SUSD5: variants seen among roughly 807,000 people sequenced by gnomAD.
SUSD5 encodes sushi domain containing 5.
A neutral mutation model predicts 29.5 loss-of-function variants in SUSD5; 33 were observed. The ratio of observed to expected loss-of-function variants is 1.12; its 90% confidence interval spans 0.85 to 1.49. The LOEUF is 1.49. Ranked by LOEUF, SUSD5 falls within the 40% of genes most tolerant of loss-of-function variation. The pLI is 0.00. For synonymous variants in SUSD5, 308 were observed against 325.3 expected (o/e 0.95, Z 0.57); for missense variants, 776 against 800.6 (o/e 0.97, Z 0.37).
In SUSD5 at chr3:33,204,180, T is replaced by C. The variant is rs1009708866; in HGVS notation, c.409+3628A>G. On this transcript the variant is annotated intron_variant, in intron 3 of 4. Coordinates refer to ENST00000309558, the MANE Select transcript of SUSD5 (RefSeq NM_015551.2). The surrounding 1 kb of genome is among the most constrained non-coding windows in gnomAD (Gnocchi z 4.5). ...CAAAAAAGAATTATAGATACACATA[T>C]ATACATATTTACATATGTATATATA... Among the ~76,000 whole-genome samples the C allele has an allele frequency of 1.3e-5, 2 of 152,154 alleles. No individual in the cohort carries two copies. Among genetic ancestry groups the C allele is most frequent in the East Asian group, 1.9e-4 (1 of 5,194 alleles).
chr3:33,210,414 C>T (rs963831802), intron 2 of SUSD5, among the ~76,000 whole-genome samples: 6 of 152,204 alleles, frequency 3.9e-5, no homozygotes, highest in African/African-American at 1.4e-4. Flanking sequence ...CTCCAACCTC[C>T]TAGTCCCATG....
At chr3:33,178,204 G>A (rs753923686) in intron 3 of SUSD5, among the ~76,000 whole-genome samples, 11 of 152,114 alleles carry the variant, frequency 7.2e-5, no homozygotes, top group Non-Finnish European at 1.5e-4. Flanking sequence ...ATGAATGGGT[G>A]TTGGATTTTG....
At chr3:33,166,240 G>C (rs757764328) in intron 4 of SUSD5, among the ~76,000 whole-genome samples, 4 of 152,074 alleles carry the variant, frequency 2.6e-5, no homozygotes, top group Non-Finnish European at 5.9e-5. Context: ...TTAATACCCT[G>C]AATATCTGAA....
intron 3 of SUSD5, among the ~76,000 whole-genome samples, chr3:33,196,066 C>A (rs2031989642): frequency 6.6e-6 from 1 of 152,232 alleles, no homozygotes; most frequent in East Asian, 1.9e-4. Flanking sequence ...GAATAAAAAC[C>A]AGCTCCATTT....
At chr3:33,160,322 T>C (rs979052016) in intron 4 of SUSD5, among the ~76,000 whole-genome samples, 1 of 150,944 alleles carries the variant, frequency 6.6e-6, no homozygotes, top group East Asian at 1.9e-4. Flanking sequence ...AAGTAAAATA[T>C]CTGAGGCAGG....
At chr3:33,181,354 C>CTTTTTTTT (rs61087865) in intron 3 of SUSD5, among the ~76,000 whole-genome samples, 1 of 120,490 alleles carries the variant, frequency 8.3e-6, no homozygotes, top group Non-Finnish European at 1.8e-5. Flanking sequence ...TCATTTTCAT[C>CTTTTTTTT]TTTTTTTTTT....
At chr3:33,169,472 C>T (rs531890711) in intron 4 of SUSD5, among the ~76,000 whole-genome samples, 29 of 151,548 alleles carry the variant, frequency 1.9e-4, no homozygotes, top group Admixed American at 9.2e-4. Flanking sequence ...CCACCCGCCT[C>T]GGCCTCCCAA....
intron 3 of SUSD5, among the ~76,000 whole-genome samples, chr3:33,183,228 C>A (rs1365395814): frequency 6.6e-6 from 1 of 152,088 alleles, no homozygotes; most frequent in African/African-American, 2.4e-5. Context: ...CCATTGATGT[C>A]TAAAGTGATC....
At chr3:33,178,420 A>G (rs1231413175) in intron 3 of SUSD5, among the ~76,000 whole-genome samples, 3 of 150,416 alleles carry the variant, frequency 2.0e-5, no homozygotes, top group African/African-American at 7.3e-5. Flanking sequence ...TGTTCATGAG[A>G]TACATTGGTC....
chr3:33,177,953 T>A (rs1036073965), intron 3 of SUSD5, among the ~76,000 whole-genome samples: 1 of 151,592 alleles, frequency 6.6e-6, no homozygotes, highest in African/African-American at 2.4e-5. Context: ...TCCTTCGCAA[T>A]CTATATTTTC....
chr3:33,212,526 G>A (rs2032341110), intron 2 of SUSD5, among the ~76,000 whole-genome samples: 1 of 152,218 alleles, frequency 6.6e-6, no homozygotes, highest in Non-Finnish European at 1.5e-5. Flanking sequence ...TGCGTATAAT[G>A]TCTAGGGGCT....
At chr3:33,159,587 G>A (rs2031130202) in intron 4 of SUSD5, among the ~76,000 whole-genome samples, 2 of 152,018 alleles carry the variant, frequency 1.3e-5, no homozygotes, top group Non-Finnish European at 2.9e-5. Context: ...ATTGCCTTAT[G>A]AGCAGGGTGC....
chr3:33,202,066 A>ATCTG (rs1184806637), intron 3 of SUSD5, among the ~76,000 whole-genome samples: 1,221 of 104,346 alleles, frequency 0.012, 11 homozygotes, highest in Non-Finnish European at 0.018. Flanking sequence ...CTATCTGTCT[A>ATCTG]TCTATCTATC....
chr3:33,153,267 G>A lies in SUSD5; in HGVS notation c.1365C>T (p.Ser455=), dbSNP rs773323669. 8.1e-6 allele frequency: 13 copies of A among 1,613,920 alleles called. No homozygotes were observed. Among genetic ancestry groups the A allele is most frequent in the Admixed American group, 3.3e-5 (2 of 60,022 alleles). Residue 455 remains serine (S), a synonymous_variant, in exon 5 of 5, where the codon TCC becomes TCT. Transcript: ENST00000309558. ...CACCATCCCCAATGCCCTCAGTCTC[G>A]GAAGCATTCACGGGTCTGAGCGCCA... is the stretch of plus-strand genomic sequence containing the variant. ...EALALRPVNA[S]ETEGIGDGDL... is the part of the protein sequence containing the mutation.
chr3:33,175,961 G>C (rs2031544564), intron 3 of SUSD5, among the ~76,000 whole-genome samples: 1 of 152,176 alleles, frequency 6.6e-6, no homozygotes, highest in African/African-American at 2.4e-5. Flanking sequence ...GTATCATACA[G>C]AATAGTTTCA....
intron 1 of SUSD5, among the ~76,000 whole-genome samples, chr3:33,215,115 A>C (rs2032402674): frequency 6.6e-6 from 1 of 152,064 alleles, no homozygotes; most frequent in African/African-American, 2.4e-5. Flanking sequence ...AAAAATTTTA[A>C]ATAAACACTT....
At chr3:33,189,197 C>T (rs1418048541) in intron 3 of SUSD5, among the ~76,000 whole-genome samples, 1 of 151,982 alleles carries the variant, frequency 6.6e-6, no homozygotes, top group Non-Finnish European at 1.5e-5. Flanking sequence ...ATATTCTAGC[C>T]GGCTGGGCGT....
In SUSD5 at chr3:33,201,182, T is replaced by C. The variant is rs570748593; in HGVS notation, c.409+6626A>G. Among the ~76,000 whole-genome samples, 169 of 152,294 alleles carry C rather than the reference T, an allele frequency of 1.1e-3. 2 individuals carry two copies. Among genetic ancestry groups the C allele is most frequent in the African/African-American group, 3.8e-3 (158 of 41,572 alleles). ...ATGTAGGCAGATATCTCCAAGTCCA[T>C]GCTCAGAGGTCATGTGGACCCTCAC... On this transcript the variant is annotated intron_variant, in intron 3 of 4. Coordinates refer to ENST00000309558, the MANE Select transcript of SUSD5 (RefSeq NM_015551.2).
Position 33,214,078 on chromosome 3 carries a change from T to A in SUSD5, c.140A>T (p.Asn47Ile). ...DGKFFVLESQNGSQGLQLEAA... is the reference protein window; with the variant it reads ...DGKFFVLESQIGSQGLQLEAA... The stretch of plus-strand genomic sequence containing the variant: ...CTCCAGTTGTAGGCCCTGAGAGCCA[T>A]TCTGAGACTCCAGCACAAAGAACTT... The change falls in exon 2 of 5, where the codon AAT (asparagine) becomes ATT (isoleucine). Residue 47 changes from asparagine (N) to isoleucine (I), a missense_variant. Coordinates refer to ENST00000309558, the MANE Select transcript of SUSD5 (RefSeq NM_015551.2). 1 of 1,611,180 alleles carries A rather than the reference T, an allele frequency of 6.2e-7. No homozygotes were observed. Among genetic ancestry groups the A allele is most frequent in the Non-Finnish European group, 8.5e-7 (1 of 1,178,756 alleles).
Sources: gnomAD v4.1 joint callset for allele counts (sites outside exome capture counted in the v4.1 genomes callset) on GRCh38, gnomAD v4.1.1 for gene constraint, Gnocchi (gnomAD v3.1) non-coding constraint, MANE v1.5 for transcripts, NCBI Gene and HGNC (gene_info 2026-07-23, HGNC 2026-07-21) for gene names.